Variants in ALK observed in about 807,000 individuals in gnomAD.
The protein encoded by ALK is ALK tyrosine kinase receptor.
ALK carries 74 observed loss-of-function variants against 163.1 expected under a neutral mutation model. The ratio of observed to expected loss-of-function variants is 0.45; its 90% CI spans 0.38 to 0.55. The LOEUF is 0.55. Ranked by LOEUF, ALK falls within the 20% of genes least tolerant of loss-of-function variation. The probability of loss-of-function intolerance (pLI) is 0.00; values close to 1 mark genes in which losing one functional copy is unlikely to be tolerated. For synonymous variants in ALK, 960 were observed against 843.2 expected (o/e 1.14, Z -2.40); for missense variants, 2,063 against 2,105.3 (o/e 0.98, Z 0.39).
intron 3 of ALK, among the ~76,000 whole-genome samples, chr2:29,674,564 G>C (rs1677814638): frequency 6.6e-6 from 1 of 150,596 alleles, no homozygotes; most frequent in Admixed American, 6.6e-5. Context: ...ATGTGCTGCT[G>C]GATTCGTTTT....
In ALK at chr2:29,453,441, G is replaced by T. The variant is rs575540294; in HGVS notation, c.1155-69582C>A. Among the ~76,000 whole-genome samples, 59 of 151,924 alleles carry T rather than the reference G, an allele frequency of 3.9e-4. 1 individual carries two copies. Among genetic ancestry groups the T allele is most frequent in the Middle Eastern group, 6.8e-3 (2 of 294 alleles). ...GGTAGAGACGAGTTCTCACTATGTT[G>T]CTCAGGCTGGTCTTGAACTCCTAAA... On this transcript the variant is annotated intron_variant, in intron 4 of 28. Coordinates refer to ENST00000389048, the MANE Select transcript of ALK (RefSeq NM_004304.5).
At chr2:29,403,030 T>C (rs1343221285) in intron 4 of ALK, among the ~76,000 whole-genome samples, 1 of 152,194 alleles carries the variant, frequency 6.6e-6, no homozygotes, top group African/African-American at 2.4e-5. Context: ...TTTTAACTAC[T>C]TGGTTGCCAG....
intron 1 of ALK, among the ~76,000 whole-genome samples, chr2:29,873,746 C>T (rs1430469341): frequency 6.6e-6 from 1 of 151,970 alleles, no homozygotes. Context: ...GAGCTGAACT[C>T]ACCCTTCCTG....
At chr2:29,702,290 C>T (rs1678765200) in intron 2 of ALK, among the ~76,000 whole-genome samples, 1 of 151,946 alleles carries the variant, frequency 6.6e-6, no homozygotes, top group Non-Finnish European at 1.5e-5. Flanking sequence ...TTCTAAATGG[C>T]CACACTTCAT....
At chr2:29,905,757 T>C (rs191874983) in intron 1 of ALK, among the ~76,000 whole-genome samples, 1 of 152,072 alleles carries the variant, frequency 6.6e-6, no homozygotes, top group Non-Finnish European at 1.5e-5. Context: ...GTCAAGCAGA[T>C]GTGTGGGTCC....
At chr2:29,628,464 T>A (rs536472412) in intron 3 of ALK, among the ~76,000 whole-genome samples, 1 of 152,160 alleles carries the variant, frequency 6.6e-6, no homozygotes, top group African/African-American at 2.4e-5. Context: ...TGCTTCAGGG[T>A]TGCAGCCAAA....
chr2:29,829,938 T>A (rs1023329054), intron 1 of ALK, among the ~76,000 whole-genome samples: 4 of 152,236 alleles, frequency 2.6e-5, no homozygotes. Flanking sequence ...GGGTGAACAT[T>A]TGAGATTTCC....
chr2:29,781,283 C>T (rs905872029), intron 1 of ALK, among the ~76,000 whole-genome samples: 5 of 152,318 alleles, frequency 3.3e-5, no homozygotes, highest in Middle Eastern at 3.4e-3. Context: ...CTTGGCAGGG[C>T]GATTCCCTCA....
intron 3 of ALK, among the ~76,000 whole-genome samples, chr2:29,650,527 G>A (rs953095913): frequency 6.6e-6 from 1 of 152,124 alleles, no homozygotes; most frequent in African/African-American, 2.4e-5. Flanking sequence ...CGACTTCCTA[G>A]TACTTTTTGA....
intron 1 of ALK, among the ~76,000 whole-genome samples, chr2:29,731,552 AGCT>A (rs1453221987): frequency 6.6e-6 from 1 of 152,178 alleles, no homozygotes; most frequent in Non-Finnish European, 1.5e-5. Context: ...GGACAGGATG[AGCT>A]GCTGGCAACA....
intron 24 of ALK, 31 bp downstream of exon 24, chr2:29,213,953 T>A (rs374852987): frequency 1.3e-5 from 21 of 1,578,570 alleles, no homozygotes; most frequent in Non-Finnish European, 1.8e-5. Flanking sequence ...AGCGACAGGA[T>A]GACAGGAAGA....
intron 3 of ALK, among the ~76,000 whole-genome samples, chr2:29,643,687 A>G (rs900238915): frequency 2.6e-5 from 4 of 152,166 alleles, no homozygotes; most frequent in African/African-American, 9.7e-5. Context: ...GCTCAGATCA[A>G]TCAGGTTAGG....
rs75282975 is a variant in ALK at position 29,640,345 on chromosome 2, G to A, written c.952+54505C>T. ...GAATTCTCATGAGTGGTTTGGCACCGGTCCCATGGCACTGTCCGCATGAGG... is the reference window on the plus strand; with the variant it reads ...GAATTCTCATGAGTGGTTTGGCACCAGTCCCATGGCACTGTCCGCATGAGG... On this transcript the variant is annotated intron_variant, in intron 3 of 28. Coordinates refer to ENST00000389048, the MANE Select transcript of ALK (RefSeq NM_004304.5). 5.1e-3 allele frequency among the ~76,000 whole-genome samples: 779 copies of A among 152,274 alleles called. 8 individuals are homozygous for A. The highest frequency in any genetic ancestry group is 0.015 in the African/African-American group (630 of 41,566).
intron 3 of ALK, among the ~76,000 whole-genome samples, chr2:29,638,049 A>G (rs920962609): frequency 6.6e-6 from 1 of 152,120 alleles, no homozygotes; most frequent in African/African-American, 2.4e-5. Context: ...AGAGCTTTTT[A>G]GAGGGCTGTG....
intron 3 of ALK, among the ~76,000 whole-genome samples, chr2:29,646,427 C>G (rs1268835954): frequency 6.6e-6 from 1 of 152,174 alleles, no homozygotes; most frequent in African/African-American, 2.4e-5. Flanking sequence ...AACTTGACAG[C>G]TGAAGGGGTC....
chr2:29,316,840 C>T (rs1666847520), intron 8 of ALK, among the ~76,000 whole-genome samples: 1 of 152,114 alleles, frequency 6.6e-6, no homozygotes, highest in Non-Finnish European at 1.5e-5. Flanking sequence ...CACAGAGATA[C>T]ATAAAATCTA....
chr2:29,850,097 A>G (rs1665951515), intron 1 of ALK, among the ~76,000 whole-genome samples: 1 of 152,214 alleles, frequency 6.6e-6, no homozygotes, highest in Admixed American at 6.6e-5. Context: ...GTAGAACAAG[A>G]CAAATCAATG....
At chr2:29,737,910 C>T (rs903689836) in intron 1 of ALK, among the ~76,000 whole-genome samples, 2 of 152,058 alleles carry the variant, frequency 1.3e-5, no homozygotes, top group East Asian at 3.9e-4. Context: ...ATAGTCAGGC[C>T]ATCATGAGGA....
intron 1 of ALK, chr2:29,890,539 G>A (rs1457353635): frequency 6.6e-6 from 1 of 152,156 alleles, no homozygotes; most frequent in East Asian, 1.9e-4. Flanking sequence ...ATGGCAGTTA[G>A]GTTTGTTCCC....
Sources: gnomAD v4.1 joint callset for allele counts (sites outside exome capture counted in the v4.1 genomes callset) on GRCh38, gnomAD v4.1.1 for gene constraint, MANE v1.5 for transcripts, NCBI Gene and HGNC (gene_info 2026-07-23, HGNC 2026-07-21) for gene names.